PRKAR1B: variants seen among roughly 807,000 people sequenced by gnomAD.
PRKAR1B encodes protein kinase cAMP-dependent type I regulatory subunit beta, also known as cAMP-dependent protein kinase type I-beta regulatory subunit.
PRKAR1B carries 22 observed loss-of-function variants against 46.5 expected under a neutral mutation model. That is an observed-to-expected ratio of 0.47 (90% CI 0.34 to 0.68). The LOEUF is 0.68. Among genes scored for constraint, PRKAR1B ranks in the 30% least tolerant of loss-of-function variants. PRKAR1B has a pLI of 0.01. For synonymous variants in PRKAR1B, 259 were observed against 217.7 expected, an observed-to-expected ratio of 1.19 and a Z score of -1.67; for missense variants, 445 against 535.6, an observed-to-expected ratio of 0.83 and a Z score of 1.67.
chr7:561,536 G>C (rs1240983562), intron 9 of PRKAR1B, among the ~76,000 whole-genome samples: 1 of 152,214 alleles, frequency 6.6e-6, no homozygotes, highest in Admixed American at 6.5e-5. Flanking sequence ...GGGTGTCTTG[G>C]AGGTGACCGA....
At chr7:613,609 A>T (rs1317496790) in intron 4 of PRKAR1B, among the ~76,000 whole-genome samples, 1 of 152,200 alleles carries the variant, frequency 6.6e-6, no homozygotes, top group Admixed American at 6.5e-5. Flanking sequence ...TGAGTAACTC[A>T]GCCCATCGTT....
Position 584,485 on chromosome 7 carries a change from C to T in PRKAR1B, c.769+23G>A, listed in dbSNP as rs374062195. 2.5e-4 allele frequency: 397 copies of T among 1,610,558 alleles called. 2 individuals are homozygous for T. In the Middle Eastern group the frequency reaches 3.6e-3, roughly 15 times the overall value. Reference sequence around the variant, plus strand: ...GCGCCCAGATGTCGGGACACACAGCCGTGCAGGGGCGCAGCCACTGACCTA... The same window carrying T: ...GCGCCCAGATGTCGGGACACACAGCTGTGCAGGGGCGCAGCCACTGACCTA... On this transcript the variant is annotated intron_variant, in intron 8 of 10. Coordinates refer to ENST00000537384, the MANE Select transcript of PRKAR1B (RefSeq NM_001164760.2).
At chr7:727,322 ACC>A, upstream of PRKAR1B, 1 of 1,255,948 alleles carries the variant, frequency 8.0e-7, no homozygotes, top group Non-Finnish European at 1.0e-6. Flanking sequence ...CCCGGTGAGC[ACC>A]CCGGGCCCCG....
chr7:557,676 G>A (rs1052496740), intron 9 of PRKAR1B, among the ~76,000 whole-genome samples: 5 of 152,202 alleles, frequency 3.3e-5, no homozygotes, highest in African/African-American at 1.2e-4. Context: ...CTCAGTTTCC[G>A]GGAGGCCCAG....
At chr7:580,783 A>T (rs1426747018) in intron 8 of PRKAR1B, among the ~76,000 whole-genome samples, 1 of 151,826 alleles carries the variant, frequency 6.6e-6, no homozygotes, top group Non-Finnish European at 1.5e-5. Flanking sequence ...CCTGGCCTAT[A>T]CAAATCAGAT....
intron 7 of PRKAR1B, among the ~76,000 whole-genome samples, chr7:588,088 C>G (rs1419728521): frequency 2.6e-5 from 4 of 152,220 alleles, no homozygotes; most frequent in Non-Finnish European, 5.9e-5. Context: ...CGCTCCCAAG[C>G]CGCCCTCAGT....
upstream of PRKAR1B, chr7:727,324 C>A: frequency 7.9e-7 from 1 of 1,258,830 alleles, no homozygotes; most frequent in Non-Finnish European, 1.0e-6. Context: ...CGGTGAGCAC[C>A]CCGGGCCCCG....
At chr7:655,018 A>G (rs989928732) in intron 4 of PRKAR1B, among the ~76,000 whole-genome samples, 2 of 152,094 alleles carry the variant, frequency 1.3e-5, no homozygotes, top group African/African-American at 4.8e-5. Context: ...ACCACTTACC[A>G]CTGCCAGTGG....
At chr7:586,905 A>ATGGTGGTGATGTTGGTGAGGATAGT (rs1780634503) in intron 7 of PRKAR1B, among the ~76,000 whole-genome samples, 1 of 92,266 alleles carries the variant, frequency 1.1e-5, no homozygotes, top group Non-Finnish European at 2.2e-5. Context: ...TTTTTTTTTG[A>ATGGTGGTGATGTTGGTGAGGATAGT]GACAGTCTCA....
chr7:591,626 G>A (rs560399620), intron 7 of PRKAR1B, among the ~76,000 whole-genome samples: 1 of 152,194 alleles, frequency 6.6e-6, no homozygotes, highest in Non-Finnish European at 1.5e-5. Context: ...AAGGCGGGAG[G>A]GTCGCTTGAG....
chr7:634,456 C>G (rs1783929991), intron 4 of PRKAR1B, among the ~76,000 whole-genome samples: 1 of 151,968 alleles, frequency 6.6e-6, no homozygotes. Flanking sequence ...CCAGCCTGGG[C>G]AACAGAGCAA....
chr7:726,940 G>A, intron 1 of PRKAR1B: 4 of 1,340,196 alleles, frequency 3.0e-6, no homozygotes, highest in Non-Finnish European at 3.8e-6. Flanking sequence ...GGGCCCCTGG[G>A]CGCGCCTACT....
intron 4 of PRKAR1B, among the ~76,000 whole-genome samples, chr7:618,445 CCT>C (rs1782949278): frequency 6.6e-6 from 1 of 152,140 alleles, no homozygotes; most frequent in Non-Finnish European, 1.5e-5. Flanking sequence ...TGAGGTCTCC[CCT>C]CTCGTTTGTA....
intron 4 of PRKAR1B, among the ~76,000 whole-genome samples, chr7:637,292 C>T (rs2128483029): frequency 6.6e-6 from 1 of 152,078 alleles, no homozygotes; most frequent in Non-Finnish European, 1.5e-5. Context: ...GGTGGCGCAC[C>T]TGTAATCCCA....
rs1784538790 is a variant in PRKAR1B, at chr7:644,606, G to C, written c.440+32623C>G. ...CCATGCGAGTGCCCACAACTGGAAGGAAGCAATGCAGGGCCGTTCTCAGCC... is the reference window on the plus strand; with the variant it reads ...CCATGCGAGTGCCCACAACTGGAAGCAAGCAATGCAGGGCCGTTCTCAGCC... On this transcript the variant is annotated intron_variant, in intron 4 of 10. Transcript: ENST00000537384. The surrounding 1 kb of genome is among the most constrained non-coding windows in gnomAD (Gnocchi z 4.9). Among the ~76,000 whole-genome samples the C allele has an allele frequency of 1.3e-5, 2 of 152,194 alleles. No homozygotes were observed. Among genetic ancestry groups the C allele is most frequent in the African/African-American group, 4.8e-5 (2 of 41,452 alleles).
chr7:693,617 C>T (rs532553881), intron 2 of PRKAR1B, among the ~76,000 whole-genome samples: 1 of 152,310 alleles, frequency 6.6e-6, no homozygotes, highest in African/African-American at 2.4e-5. Context: ...ACTTCCCTTG[C>T]GTGGAGAGGC....
chr7:669,008 A>G (rs1215853641), intron 4 of PRKAR1B, among the ~76,000 whole-genome samples: 1 of 150,290 alleles, frequency 6.7e-6, no homozygotes, highest in Non-Finnish European at 1.5e-5. Flanking sequence ...AGGAGACTCA[A>G]ACAGACACCT....
chr7:556,585 C>A (rs934206397), intron 9 of PRKAR1B, among the ~76,000 whole-genome samples: 1 of 152,238 alleles, frequency 6.6e-6, no homozygotes, highest in Non-Finnish European at 1.5e-5. Context: ...GGGCCCCACC[C>A]GTGAGGCAAA....
rs75898432 is a variant in PRKAR1B at position 628,958 on chromosome 7, C to T, written c.441-21506G>A. The stretch of plus-strand genomic sequence containing the variant: ...CCCACGGCGGGCACTCGTGTTCTGA[C>T]GCCAAGGTGCTTGCAACGTCCTGTG... On this transcript the variant is annotated intron_variant, in intron 4 of 10. Coordinates refer to ENST00000537384, the MANE Select transcript of PRKAR1B (RefSeq NM_001164760.2). Among the ~76,000 whole-genome samples, 690 of 152,306 alleles carry T rather than the reference C, an allele frequency of 4.5e-3. 35 individuals are homozygous for T. In the East Asian group the frequency reaches 0.12, roughly 26 times the overall value.
Sources: allele counts gnomAD v4.1 joint callset (sites outside exome capture counted in the v4.1 genomes callset), GRCh38; gene constraint gnomAD v4.1.1; non-coding constraint Gnocchi (gnomAD v3.1); transcripts MANE v1.5; gene names NCBI Gene and HGNC (gene_info 2026-07-23, HGNC 2026-07-21).